Variants in CLSTN2 observed in about 807,000 individuals in gnomAD.
The protein encoded by CLSTN2 is calsyntenin 2.
A neutral mutation model predicts 101.2 loss-of-function variants in CLSTN2; 48 were observed. The observed-to-expected ratio is 0.47, with a 90% confidence interval of 0.38 to 0.60. CLSTN2 has a LOEUF of 0.60. CLSTN2 is among the 20% of genes least tolerant of loss of function. The pLI is 0.00. For missense variants in CLSTN2, 1,160 were observed against 1,238.2 expected (o/e 0.94, Z 0.95); for synonymous variants, 481 against 463.6 (o/e 1.04, Z -0.48).
At chr3:140,370,934 A>G (rs920672786) in intron 2 of CLSTN2, among the ~76,000 whole-genome samples, 3 of 151,884 alleles carry the variant, frequency 2.0e-5, no homozygotes, top group Non-Finnish European at 2.9e-5. Flanking sequence ...TACCTCCAAC[A>G]ACTTGGCTGC....
chr3:140,174,429 C>T (rs1489536823), intron 1 of CLSTN2, among the ~76,000 whole-genome samples: 2 of 152,180 alleles, frequency 1.3e-5, no homozygotes, highest in Non-Finnish European at 2.9e-5. Flanking sequence ...CTTCTGAGCC[C>T]TCCAAACTGT....
intron 1 of CLSTN2, among the ~76,000 whole-genome samples, chr3:140,024,155 C>A (rs2107756936): frequency 6.6e-6 from 1 of 152,308 alleles, no homozygotes; most frequent in African/African-American, 2.4e-5. Flanking sequence ...GGACTCAATG[C>A]AAGAGTGTAT....
chr3:140,115,098 C>A (rs1560099140), intron 1 of CLSTN2, among the ~76,000 whole-genome samples: 1 of 152,178 alleles, frequency 6.6e-6, no homozygotes, highest in Non-Finnish European at 1.5e-5. Flanking sequence ...AAGGAAGAAA[C>A]AATAGCCCAG....
intron 2 of CLSTN2, among the ~76,000 whole-genome samples, chr3:140,240,601 T>A (rs993320829): frequency 1.3e-5 from 2 of 152,070 alleles, no homozygotes; most frequent in African/African-American, 2.4e-5. Flanking sequence ...TGTAAAGTGA[T>A]ACACAGATGG....
intron 2 of CLSTN2, among the ~76,000 whole-genome samples, chr3:140,281,803 C>A (rs2086850159): frequency 6.6e-6 from 1 of 151,870 alleles, no homozygotes; most frequent in Non-Finnish European, 1.5e-5. Context: ...CATGTGAAAC[C>A]AATGAAAGTC....
intron 2 of CLSTN2, among the ~76,000 whole-genome samples, chr3:140,354,842 CG>C (rs1559847030): frequency 2.0e-5 from 3 of 152,204 alleles, no homozygotes; most frequent in Non-Finnish European, 2.9e-5. Flanking sequence ...TCGAAGTTGC[CG>C]GGTCAACATT....
chr3:140,073,675 G>GAC, intron 1 of CLSTN2, among the ~76,000 whole-genome samples: 1 of 152,204 alleles, frequency 6.6e-6, no homozygotes, highest in South Asian at 2.1e-4. Context: ...TAAAGCACTG[G>GAC]ACACTTAGCT....
intron 2 of CLSTN2, among the ~76,000 whole-genome samples, chr3:140,328,897 C>G (rs369358146): frequency 6.6e-6 from 1 of 152,190 alleles, no homozygotes; most frequent in East Asian, 1.9e-4. Flanking sequence ...CACTTTACTC[C>G]GCATTTTCTA....
At chr3:140,339,223 A>T (rs2087469679) in intron 2 of CLSTN2, among the ~76,000 whole-genome samples, 1 of 152,018 alleles carries the variant, frequency 6.6e-6, no homozygotes, top group Non-Finnish European at 1.5e-5. Context: ...TTCCATTTGG[A>T]CTATTTGTGC....
intron 4 of CLSTN2, among the ~76,000 whole-genome samples, chr3:140,418,453 AAGT>A: frequency 6.6e-6 from 1 of 151,984 alleles, no homozygotes; most frequent in Non-Finnish European, 1.5e-5. Context: ...GTATTGTTAG[AAGT>A]AGTCCAGAGA....
chr3:140,345,784 C>T (rs1216584442), intron 2 of CLSTN2, among the ~76,000 whole-genome samples: 1 of 152,002 alleles, frequency 6.6e-6, no homozygotes, highest in Non-Finnish European at 1.5e-5. Context: ...CCACTTCAGA[C>T]TTCAGCTTCT....
intron 2 of CLSTN2, 88 bp from the exon 3 acceptor site, chr3:140,403,541 T>G: frequency 7.0e-5 from 79 of 1,123,162 alleles, no homozygotes; most frequent in Non-Finnish European, 9.7e-5. Flanking sequence ...ATGGAGGCTT[T>G]GAGTTTGTGA....
At chr3:140,335,179 A>G (rs1041169702) in intron 2 of CLSTN2, among the ~76,000 whole-genome samples, 4 of 152,102 alleles carry the variant, frequency 2.6e-5, no homozygotes, top group Non-Finnish European at 5.9e-5. Context: ...AGTAAGTTGG[A>G]CCCTGGTCTT....
At chr3:140,004,023 C>G (rs2006905963) in intron 1 of CLSTN2, among the ~76,000 whole-genome samples, 1 of 151,948 alleles carries the variant, frequency 6.6e-6, no homozygotes, top group South Asian at 2.1e-4. Context: ...TATGGAGGTG[C>G]TAATATTATT....
At chr3:140,082,604 A>G (rs899610919) in intron 1 of CLSTN2, among the ~76,000 whole-genome samples, 2 of 152,176 alleles carry the variant, frequency 1.3e-5, no homozygotes, top group Admixed American at 6.5e-5. Context: ...ACCCCTCCAA[A>G]CAGAGGAGTT....
intron 1 of CLSTN2, among the ~76,000 whole-genome samples, chr3:139,994,884 C>G (rs533912295): frequency 2.3e-4 from 35 of 152,280 alleles, no homozygotes; most frequent in African/African-American, 7.7e-4. Context: ...AAGATGGTCC[C>G]TTCCTTCTTA....
At chr3:140,414,291 T>C (rs1359198806) in intron 4 of CLSTN2, among the ~76,000 whole-genome samples, 1 of 151,994 alleles carries the variant, frequency 6.6e-6, no homozygotes, top group Non-Finnish European at 1.5e-5. Context: ...GCATTTACAA[T>C]AGCATCAAAA....
At chr3:139,983,151 G>A (rs1049099893) in intron 1 of CLSTN2, among the ~76,000 whole-genome samples, 6 of 151,888 alleles carry the variant, frequency 4.0e-5, no homozygotes, top group Non-Finnish European at 8.8e-5. Context: ...ACTATTACTG[G>A]AAGGATTTGG....
At chr3:140,059,149 T>G (rs2008153236) in intron 1 of CLSTN2, among the ~76,000 whole-genome samples, 1 of 152,260 alleles carries the variant, frequency 6.6e-6, no homozygotes, top group Non-Finnish European at 1.5e-5. Flanking sequence ...CTAACCTCAC[T>G]GTGCCTTGGT....
Sources: allele counts gnomAD v4.1 joint callset (sites outside exome capture counted in the v4.1 genomes callset), GRCh38; gene constraint gnomAD v4.1.1; transcripts MANE v1.5; gene names NCBI Gene and HGNC (gene_info 2026-07-23, HGNC 2026-07-21).